The following SP100 variants were observed in gnomAD, a reference collection of about 807,000 sequenced individuals.
SP100 encodes the protein nuclear autoantigen Sp-100.
SP100 carries 84 observed loss-of-function variants against 130.0 expected under a neutral mutation model. The observed-to-expected ratio is 0.65, with a 90% CI of 0.54 to 0.77. SP100 has a LOEUF of 0.77. Ranked by LOEUF, SP100 falls within the 30% of genes least tolerant of loss-of-function variation. The pLI is 0.00. For synonymous variants in SP100, 331 were observed against 351.7 expected (o/e 0.94, Z 0.66); for missense variants, 978 against 1,052.2 (o/e 0.93, Z 0.97).
intron 22 of SP100, 132 bp downstream of exon 22, chr2:230,506,577 A>T: frequency 1.2e-6 from 1 of 819,766 alleles, no homozygotes; most frequent in East Asian, 2.7e-5. Context: ...TGCATATGTT[A>T]TTACTAACGT....
At chr2:230,441,662 A>G (rs2063473300) in intron 2 of SP100, among the ~76,000 whole-genome samples, 2 of 150,962 alleles carry the variant, frequency 1.3e-5, no homozygotes, top group Non-Finnish European at 2.9e-5. Flanking sequence ...AAAATCCAGT[A>G]GCGGGCAGTA....
rs1374089972 is a variant in SP100 at position 230,416,235 on chromosome 2, T to C, written c.-62T>C. The C allele has an allele frequency of 1.2e-5, 17 of 1,443,354 alleles. No individual in the cohort carries two copies. In the East Asian group the frequency reaches 3.4e-4, roughly 29 times the overall value. The allele number at this position is 1,443,354 out of a possible 1,614,324, so 89.4% of individuals were successfully genotyped here. ...CTGGGCAGCCACACTGCACGCAGGC[T>C]GGGCCGACTGAGGGGCTCAGAGGCC... On this transcript the variant is annotated 5_prime_UTR_variant, in exon 1 of 29. Coordinates refer to ENST00000340126, the MANE Select transcript of SP100 (RefSeq NM_001080391.2).
At position 230,539,328 on chromosome 2, in the gene SP100, C is replaced by T. The variant is rs755351392; in HGVS notation, c.2156C>T (p.Thr719Ile). 2.2e-5 allele frequency: 36 copies of T among 1,613,914 alleles called. No individual in the cohort carries two copies. Among genetic ancestry groups the T allele is most frequent in the Non-Finnish European group, 2.9e-5 (34 of 1,179,910 alleles). ...NKWGRLFCCD[T>I]CPRSFHEHCH... ...TGGGGACGGCTGTTCTGCTGCGACA[C>T]TTGTCCAAGATCCTTTCATGAGCAC... The change falls in exon 25 of 29, where the codon ACT becomes ATT. Residue 719 changes from threonine (T) to isoleucine (I), a missense_variant. Physicochemically the swap from Thr to Ile is moderately conservative, Grantham distance 89. Transcript: ENST00000340126.
At chr2:230,506,199 T>G (rs1690086145) in intron 21 of SP100, 104 bp from the exon 22 acceptor site, 1 of 1,229,062 alleles carries the variant, frequency 8.1e-7, no homozygotes, top group South Asian at 1.4e-5. Context: ...ACTTTACTGC[T>G]ACGATCCTAA....
At position 230,520,017 on chromosome 2, in the gene SP100, T is replaced by C. The variant is rs540479358; in HGVS notation, c.2094+8851T>C. On this transcript the variant is annotated intron_variant, in intron 24 of 28. Coordinates refer to ENST00000340126, the MANE Select transcript of SP100 (RefSeq NM_001080391.2). ...TGGTTGTTTTGAATGAGACAAGTAA[T>C]GTAGTGGATTAAGTGTGGTGGTTTT... Among the ~76,000 whole-genome samples, 3 of 152,314 alleles carry C rather than the reference T, an allele frequency of 2.0e-5. No individual in the cohort carries two copies. In the South Asian group the frequency reaches 6.2e-4, roughly 32 times the overall value.
At chr2:230,519,415 T>C (rs752348237) in intron 24 of SP100, among the ~76,000 whole-genome samples, 1 of 152,238 alleles carries the variant, frequency 6.6e-6, no homozygotes, top group Admixed American at 6.5e-5. Context: ...TTGTTTCATT[T>C]TCATTCTTTA....
chr2:230,417,773 T>C (rs1300477492), intron 2 of SP100, 108 bp downstream of exon 2: 1 of 1,462,566 alleles, frequency 6.8e-7, no homozygotes, highest in African/African-American at 1.4e-5. Flanking sequence ...CTTCTATAAA[T>C]TGCTTGTTTG....
At chr2:230,515,912 A>T (rs1690891680) in intron 24 of SP100, 1 of 1,151,464 alleles carries the variant, frequency 8.7e-7, no homozygotes, top group African/African-American at 1.6e-5. Context: ...AGTGCACAGC[A>T]CAAATTAGTT....
Position 230,450,074 on chromosome 2 carries a change from C to T in SP100, c.737-98C>T, listed in dbSNP as rs2063899113. On this transcript the variant is annotated intron_variant, in intron 7 of 28. Transcript: ENST00000340126. ...ATGCAGACAGGGGTATAAGTAGAAA[C>T]AGGAGAAGAAAGGAGAAGCAGGGTG... The T allele has an allele frequency of 8.6e-6, 7 of 814,474 alleles. No individual in the cohort carries two copies. In the East Asian group the frequency reaches 1.7e-4, roughly 20 times the overall value. The allele number at this position is 814,474 out of a possible 1,614,324, so 50.5% of individuals were successfully genotyped here. A position where few individuals can be genotyped will look rare whatever the true frequency, so the allele number is the denominator to read the frequency against.
intron 24 of SP100, among the ~76,000 whole-genome samples, chr2:230,537,146 C>T (rs1450734138): frequency 6.6e-6 from 1 of 152,142 alleles, no homozygotes; most frequent in African/African-American, 2.4e-5. Context: ...GTAGTCCCAG[C>T]TACTCCAGGG....
At chr2:230,535,906 CAAAAAAAAAAAAA>C (rs34684038) in intron 24 of SP100, among the ~76,000 whole-genome samples, 4 of 47,572 alleles carry the variant, frequency 8.4e-5, no homozygotes, top group East Asian at 8.3e-4. Flanking sequence ...GACTCCATCT[CAAAAAAAAAAAAA>C]AAAAAAAAAA....
At chr2:230,460,174 G>A (rs1215393390) in intron 8 of SP100, among the ~76,000 whole-genome samples, 1 of 152,142 alleles carries the variant, frequency 6.6e-6, no homozygotes, top group Non-Finnish European at 1.5e-5. Context: ...TGTGTGTTAT[G>A]TCACCAAAAC....
At chr2:230,513,548 T>C (rs547347759) in intron 24 of SP100, among the ~76,000 whole-genome samples, 117 of 152,120 alleles carry the variant, frequency 7.7e-4, no homozygotes, top group African/African-American at 2.8e-3. Context: ...CCCATGGAAG[T>C]ATTGCTGATC....
In SP100 at chr2:230,544,931, A is replaced by T. The variant is rs1475177684; in HGVS notation, c.*1985A>T. Among the ~76,000 whole-genome samples the T allele has an allele frequency of 6.6e-6, 1 of 152,242 alleles. No homozygotes were observed. Among genetic ancestry groups the T allele is most frequent in the Non-Finnish European group, 1.5e-5 (1 of 68,032 alleles). ...AATGCCTCTTTCTAAAAAGTCAAAA[A>T]ATAACAGCTAGTAAGGTTGTGGAGA... On this transcript the variant is annotated 3_prime_UTR_variant, in exon 29 of 29. Coordinates refer to ENST00000340126, the MANE Select transcript of SP100 (RefSeq NM_001080391.2).
intron 2 of SP100, among the ~76,000 whole-genome samples, chr2:230,422,401 G>A (rs1177457269): frequency 6.6e-6 from 1 of 152,114 alleles, no homozygotes; most frequent in Non-Finnish European, 1.5e-5. Context: ...TAGGAGCTCT[G>A]TGCAAGGAAT....
In SP100 at chr2:230,446,886, A is replaced by C. The variant is rs1202277462; in HGVS notation, c.507A>C (p.Gln169His). 9 of 1,608,376 alleles carry C rather than the reference A, an allele frequency of 5.6e-6. No homozygotes were observed. Among genetic ancestry groups the C allele is most frequent in the Non-Finnish European group, 7.7e-6 (9 of 1,175,420 alleles). The change falls in exon 5 of 29, where the codon CAA (glutamine) becomes CAC (histidine). Residue 169 changes from glutamine (Q) to histidine (H), a missense_variant. Coordinates refer to ENST00000340126, the MANE Select transcript of SP100 (RefSeq NM_001080391.2). ...AGAGGGAGGAGAGGTCTGGCCTCCAACTAAGTCTTGAACAAGGTAAAAATG... is the reference window on the plus strand; with the variant it reads ...AGAGGGAGGAGAGGTCTGGCCTCCACCTAAGTCTTGAACAAGGTAAAAATG... ...EEEREERSGL[Q>H]LSLEQGTGEN...
chr2:230,533,271 G>A (rs1691788808), intron 24 of SP100, among the ~76,000 whole-genome samples: 1 of 152,124 alleles, frequency 6.6e-6, no homozygotes, highest in Admixed American at 6.5e-5. Context: ...ATTTTGATAA[G>A]TTTAAAATAG....
Position 230,504,241 on chromosome 2 carries a change from G to A in SP100, c.1821G>A (p.Val607=), listed in dbSNP as rs758647257. Residue 607 remains valine (V), a synonymous_variant, in exon 21 of 29, where the codon GTG becomes GTA. Coordinates refer to ENST00000340126, the MANE Select transcript of SP100 (RefSeq NM_001080391.2). ...NINFKQSELP[V]TCGEVKGTLY... ...ATTTTAAACAATCTGAACTTCCTGT[G>A]ACCTGTGGTGAGGTGAAGGGCACTC... 9 of 1,612,910 alleles carry A rather than the reference G, an allele frequency of 5.6e-6. No individual in the cohort carries two copies. The highest frequency in any genetic ancestry group is 1.6e-4 in the Middle Eastern group (1 of 6,074).
In SP100 at chr2:230,508,311, C is replaced by CATTTT. The variant is rs376287053; in HGVS notation, c.2052+280_2052+281insATTTT. 1.5e-3 allele frequency: 216 copies of CATTTT among 148,146 alleles called. 5 individuals are homozygous for CATTTT. Among genetic ancestry groups the CATTTT allele is most frequent in the South Asian group, 4.1e-3 (26 of 6,406 alleles). 9.2% of individuals were successfully genotyped at this position (148,146 alleles called of 1,614,324 possible). A position where few individuals can be genotyped will look rare whatever the true frequency, so the allele number is the denominator to read the frequency against. ...TTTAGTAAAGGAGCTAAATGCCATA[C>CATTTT]TTTTTTTTTTTTTTTTTTTTAAGAG... On this transcript the variant is annotated intron_variant, in intron 23 of 28. Coordinates refer to ENST00000340126, the MANE Select transcript of SP100 (RefSeq NM_001080391.2).
Sources: allele counts gnomAD v4.1 joint callset (sites outside exome capture counted in the v4.1 genomes callset), GRCh38; gene constraint gnomAD v4.1.1; transcripts MANE v1.5; gene names NCBI Gene and HGNC (gene_info 2026-07-23, HGNC 2026-07-21).